The following DLGAP2 variants were observed in gnomAD, a reference collection of about 807,000 sequenced individuals.
DLGAP2 encodes the protein disks large-associated protein 2.
In DLGAP2, 26 loss-of-function variants were observed where a neutral mutation model predicts 100.3. The ratio of observed to expected loss-of-function variants is 0.26; its 90% CI spans 0.19 to 0.36. DLGAP2 has a LOEUF of 0.36. Among genes scored for constraint, DLGAP2 ranks in the 10% least tolerant of loss-of-function variants. The probability of loss-of-function intolerance (pLI) is 1.00; values close to 1 mark genes in which losing one functional copy is unlikely to be tolerated. For synonymous variants in DLGAP2, 886 were observed against 630.1 expected, an observed-to-expected ratio of 1.41 and a Z score of -6.08; for missense variants, 1,858 against 1,453.2, an observed-to-expected ratio of 1.28 and a Z score of -4.53.
At chr8:1,133,120 A>G (rs934995273) in intron 2 of DLGAP2, among the ~76,000 whole-genome samples, 1 of 152,176 alleles carries the variant, frequency 6.6e-6, no homozygotes, top group Non-Finnish European at 1.5e-5. Context: ...AGAAGAAAGC[A>G]AACATCTCTG....
intron 3 of DLGAP2, among the ~76,000 whole-genome samples, chr8:1,346,467 A>G (rs1801558863): frequency 7.0e-6 from 1 of 142,988 alleles, no homozygotes; most frequent in Non-Finnish European, 1.5e-5. Flanking sequence ...AGCTATGTGG[A>G]GGTTGTGTTC....
rs551760910 is a variant in DLGAP2, at chr8:1,424,757, A to G, written c.107-76609A>G. On this transcript the variant is annotated intron_variant, in intron 3 of 14. Coordinates refer to ENST00000637795, the MANE Select transcript of DLGAP2 (RefSeq NM_001346810.2). ...ATCCCCTTACACGCAGCACCTGGAGAAGTCAGATGCACAGACAGAAGGCCG... is the reference window on the plus strand; with the variant it reads ...ATCCCCTTACACGCAGCACCTGGAGGAGTCAGATGCACAGACAGAAGGCCG... Among the ~76,000 whole-genome samples the G allele has an allele frequency of 1.7e-3, 241 of 145,222 alleles. 2 individuals carry two copies. Among genetic ancestry groups the G allele is most frequent in the African/African-American group, 4.8e-3 (189 of 39,060 alleles).
At chr8:1,184,907 T>G (rs73537214) in intron 2 of DLGAP2, among the ~76,000 whole-genome samples, 18,264 of 152,150 alleles carry the variant, frequency 0.12, 2,163 homozygotes, top group African/African-American at 0.31. Flanking sequence ...CAAAGGTGAC[T>G]CACTTGCCCC....
chr8:1,298,552 G>A lies in DLGAP2; in HGVS notation c.106+39669G>A, dbSNP rs191274403. On this transcript the variant is annotated intron_variant, in intron 3 of 14. Coordinates refer to ENST00000637795, the MANE Select transcript of DLGAP2 (RefSeq NM_001346810.2). ...CGTACCCTGCAGAAGAGTGGCAGTCGCTGAGCGTGGGGGACGGCTCAGTAG... is the reference window on the plus strand; with the variant it reads ...CGTACCCTGCAGAAGAGTGGCAGTCACTGAGCGTGGGGGACGGCTCAGTAG... Among the ~76,000 whole-genome samples the A allele has an allele frequency of 7.1e-3, 1,084 of 152,202 alleles. 46 individuals carry two copies. Among genetic ancestry groups the A allele is most frequent in the Admixed American group, 0.059 (909 of 15,280 alleles).
intron 3 of DLGAP2, among the ~76,000 whole-genome samples, chr8:1,452,018 C>T (rs552620126): frequency 1.1e-4 from 17 of 152,364 alleles, no homozygotes; most frequent in South Asian, 4.1e-4. Context: ...CGGTTTCTGC[C>T]GATGTCCCAT....
In DLGAP2 at chr8:1,463,966, G is replaced by C. The variant is rs936705284; in HGVS notation, c.107-37400G>C. 4.6e-5 allele frequency among the ~76,000 whole-genome samples: 7 copies of C among 152,316 alleles called. 1 individual carries two copies. In the East Asian group the frequency reaches 1.4e-3, roughly 29 times the overall value. On this transcript the variant is annotated intron_variant, in intron 3 of 14. Transcript: ENST00000637795. ...CCTGAGGGAAGAGGAAAAATATCAG[G>C]CACATAACAACTGAGGAAGGAGCTG... is the stretch of plus-strand genomic sequence containing the variant.
intron 3 of DLGAP2, among the ~76,000 whole-genome samples, chr8:1,492,937 T>G (rs1799434278): frequency 6.6e-6 from 1 of 152,018 alleles, no homozygotes. Context: ...CCCTCCACCC[T>G]CCACTGCCAT....
Position 1,242,863 on chromosome 8 carries a change from G to T in DLGAP2, c.74-15988G>T, listed in dbSNP as rs144844486. 1.6e-4 allele frequency among the ~76,000 whole-genome samples: 24 copies of T among 152,140 alleles called. No homozygotes were observed. The East Asian group carries it at 1.7e-3, about 11-fold the overall frequency. On this transcript the variant is annotated intron_variant, in intron 2 of 14. Coordinates refer to ENST00000637795, the MANE Select transcript of DLGAP2 (RefSeq NM_001346810.2). ...GGGTGGACGGACGGGCAGATGGACG[G>T]ATGTGTGGATGGTCAGACAGACAGG...
intron 2 of DLGAP2, among the ~76,000 whole-genome samples, chr8:1,258,588 T>C (rs1330542501): frequency 6.7e-6 from 1 of 148,588 alleles, no homozygotes; most frequent in Admixed American, 6.8e-5. Flanking sequence ...TCCCAGAACT[T>C]AGTAAAATTA....
chr8:1,270,339 C>A (rs1395692926), intron 3 of DLGAP2, among the ~76,000 whole-genome samples: 3 of 152,136 alleles, frequency 2.0e-5, no homozygotes, highest in Non-Finnish European at 4.4e-5. Context: ...AAAAGTAGAA[C>A]CTGTGATGTG....
intron 2 of DLGAP2, among the ~76,000 whole-genome samples, chr8:981,902 G>C (rs1417147629): frequency 6.6e-6 from 1 of 152,198 alleles, no homozygotes; most frequent in Admixed American, 6.5e-5. Context: ...AACGTTGAAT[G>C]GGAATCCAGT....
At chr8:1,376,053 CCA>C in intron 3 of DLGAP2, among the ~76,000 whole-genome samples, 14 of 105,614 alleles carry the variant, frequency 1.3e-4, no homozygotes, top group African/African-American at 5.1e-4. Context: ...CGACACCTCT[CCA>C]CGGCCTCAGA....
chr8:1,069,474 G>A (rs1379084543), intron 2 of DLGAP2, among the ~76,000 whole-genome samples: 1 of 152,142 alleles, frequency 6.6e-6, no homozygotes, highest in Non-Finnish European at 1.5e-5. Flanking sequence ...ACAAAAAGAA[G>A]GCTCAGCAAC....
At chr8:1,208,922 A>G (rs1418244828) in intron 2 of DLGAP2, among the ~76,000 whole-genome samples, 1 of 151,700 alleles carries the variant, frequency 6.6e-6, no homozygotes, top group Admixed American at 6.6e-5. Flanking sequence ...AATGCTTAGG[A>G]ATATACCTAA....
intron 6 of DLGAP2, among the ~76,000 whole-genome samples, chr8:1,582,605 G>T (rs6988414): frequency 1.3e-5 from 2 of 151,364 alleles, no homozygotes; most frequent in East Asian, 2.0e-4. Context: ...CTTTTCCCCC[G>T]CCAAGATGGA....
intron 3 of DLGAP2, among the ~76,000 whole-genome samples, chr8:1,426,107 G>A (rs1247999672): frequency 2.6e-5 from 4 of 152,206 alleles, no homozygotes; most frequent in Non-Finnish European, 5.9e-5. Context: ...GGTAGGGCAA[G>A]AGGAGGAAGA....
rs1585047871 is a variant in DLGAP2, at chr8:1,668,921, A to T, written c.2160+243A>T. On this transcript the variant is annotated intron_variant, in intron 9 of 14. Transcript: ENST00000637795. ...GGGCTGAAGGAAACCCAGGGGTTCC[A>T]GCTCCCTGTCCCCTGCCACCCTGAA... 2.7e-5 allele frequency among the ~76,000 whole-genome samples: 4 copies of T among 150,502 alleles called. No homozygotes were observed. The South Asian group carries it at 8.4e-4, about 31-fold the overall frequency.
chr8:1,295,593 G>A (rs1800153122), intron 3 of DLGAP2, among the ~76,000 whole-genome samples: 1 of 152,198 alleles, frequency 6.6e-6, no homozygotes, highest in Non-Finnish European at 1.5e-5. Context: ...CTCCACAAAG[G>A]CAGGGGAACA....
chr8:960,107 G>T (rs897306106), intron 2 of DLGAP2, among the ~76,000 whole-genome samples: 1 of 151,990 alleles, frequency 6.6e-6, no homozygotes, highest in African/African-American at 2.4e-5. Context: ...TTAATAATTT[G>T]TTAGTCACGG....
Sources: allele counts gnomAD v4.1 joint callset (sites outside exome capture counted in the v4.1 genomes callset), GRCh38; gene constraint gnomAD v4.1.1; transcripts MANE v1.5; gene names NCBI Gene and HGNC (gene_info 2026-07-23, HGNC 2026-07-21).